CATSPERE: variants seen among roughly 807,000 people sequenced by gnomAD.
The protein encoded by CATSPERE is catsper channel auxiliary subunit epsilon.
Under a neutral mutation model 114.1 loss-of-function variants are expected in CATSPERE, and 93 were observed. The ratio of observed to expected loss-of-function variants is 0.81; its 90% confidence interval spans 0.69 to 0.97. The LOEUF is 0.97. Among genes scored for constraint, CATSPERE ranks in the 50% least tolerant of loss-of-function variants. The pLI is 0.00. For missense variants in CATSPERE, 1,058 were observed against 1,131.6 expected (o/e 0.93, Z 0.93); for synonymous variants, 341 against 384.1 (o/e 0.89, Z 1.31).
At chr1:244,452,974 G>T (rs911655864), upstream of CATSPERE, among the ~76,000 whole-genome samples, 1 of 152,110 alleles carries the variant, frequency 6.6e-6, no homozygotes, top group African/African-American at 2.4e-5. Flanking sequence ...CTCCCAAATC[G>T]CCTGTACATA....
chr1:244,567,502 T>G (rs1663775381), intron 10 of CATSPERE, among the ~76,000 whole-genome samples: 1 of 152,166 alleles, frequency 6.6e-6, no homozygotes, highest in Non-Finnish European at 1.5e-5. Flanking sequence ...ATAGGTTTGG[T>G]CTTTTCATAT....
rs1284242264 is a variant in CATSPERE, at chr1:244,461,473, G to A, written c.44G>A (p.Cys15Tyr). The change falls in exon 1 of 22, where the codon TGC becomes TAC. Residue 15 changes from cysteine to tyrosine, a missense_variant. Cys to Tyr is a radical substitution (Grantham distance 194). Transcript: ENST00000366534. The stretch of plus-strand genomic sequence containing the variant: ...GCCGTGCTGCTGCTGTGGCTGAGCT[G>A]CTATGGCTCCGCCCTTTGGAGGTAG... Reference protein sequence around the residue: ...EVAVLLLWLSCYGSALWRYST... With the variant: ...EVAVLLLWLSYYGSALWRYST... 1.5e-6 allele frequency: 2 copies of A among 1,345,644 alleles called. No homozygotes were observed. Among genetic ancestry groups the A allele is most frequent in the South Asian group, 2.2e-5 (1 of 46,208 alleles). The allele number at this position is 1,345,644 out of a possible 1,614,324, so 83.4% of individuals were successfully genotyped here.
chr1:244,553,833 CCT>C (rs1033447452), intron 9 of CATSPERE, among the ~76,000 whole-genome samples: 29 of 152,116 alleles, frequency 1.9e-4, no homozygotes, highest in African/African-American at 6.0e-4. Context: ...CCCACGCACC[CCT>C]CTCCTTCCCA....
At chr1:244,603,576 A>C (rs1669564092) in intron 17 of CATSPERE, among the ~76,000 whole-genome samples, 2 of 152,172 alleles carry the variant, frequency 1.3e-5, no homozygotes, top group Non-Finnish European at 2.9e-5. Context: ...CCCAGAAATT[A>C]TGGGTCATGT....
intron 19 of CATSPERE, among the ~76,000 whole-genome samples, chr1:244,615,318 T>A (rs1449394224): frequency 6.6e-6 from 1 of 151,116 alleles, no homozygotes; most frequent in Non-Finnish European, 1.5e-5. Context: ...TTAATTAAAG[T>A]TATACTGTTA....
chr1:244,533,424 T>G (rs1479303305), intron 8 of CATSPERE, among the ~76,000 whole-genome samples: 1 of 152,136 alleles, frequency 6.6e-6, no homozygotes, highest in Non-Finnish European at 1.5e-5. Flanking sequence ...TGTTGTGTGG[T>G]CTTCTCTTCC....
intron 12 of CATSPERE, among the ~76,000 whole-genome samples, chr1:244,582,481 C>T (rs1365218168): frequency 4.6e-5 from 7 of 151,276 alleles, no homozygotes; most frequent in Non-Finnish European, 5.9e-5. Context: ...CGGCTCACTG[C>T]AACCTCCACC....
At chr1:244,610,449 T>C (rs778231895) in intron 19 of CATSPERE, 123 bp downstream of exon 19, 1 of 731,092 alleles carries the variant, frequency 1.4e-6, no homozygotes, top group South Asian at 1.5e-5. Context: ...AAATCCTATT[T>C]TTATATTAAA....
chr1:244,460,731 T>C (rs1666612431), upstream of CATSPERE, among the ~76,000 whole-genome samples: 1 of 152,222 alleles, frequency 6.6e-6, no homozygotes, highest in South Asian at 2.1e-4. Flanking sequence ...CTGGGCAAGA[T>C]GGTGAAACCC....
At chr1:244,612,864 G>A (rs967875881) in intron 19 of CATSPERE, among the ~76,000 whole-genome samples, 14 of 152,206 alleles carry the variant, frequency 9.2e-5, no homozygotes, top group African/African-American at 3.4e-4. Flanking sequence ...ATTTGATCAA[G>A]TGGGCTTTCG....
At position 244,518,635 on chromosome 1, in the gene CATSPERE, A is replaced by G. The variant is rs1390584595; in HGVS notation, c.473A>G (p.Lys158Arg). ...ACACAGATGGCCACATTGGGACAGAAGCCTGTCATACATACAGTTCTGAAG... is the reference window on the plus strand; with the variant it reads ...ACACAGATGGCCACATTGGGACAGAGGCCTGTCATACATACAGTTCTGAAG... ...LSTQMATLGQKPVIHTVLKRK... is the reference protein window; with the variant it reads ...LSTQMATLGQRPVIHTVLKRK... Residue 158 changes from lysine (K) to arginine (R), a missense_variant, in exon 8 of 22, where the codon AAG becomes AGG. Transcript: ENST00000366534. The G allele has an allele frequency of 2.5e-6, 4 of 1,602,668 alleles. No individual in the cohort carries two copies. Among genetic ancestry groups the G allele is most frequent in the Non-Finnish European group, 3.4e-6 (4 of 1,172,032 alleles).
At chr1:244,471,018 C>T (rs1668391944) in intron 2 of CATSPERE, among the ~76,000 whole-genome samples, 1 of 152,162 alleles carries the variant, frequency 6.6e-6, no homozygotes, top group South Asian at 2.1e-4. Flanking sequence ...GGAGATAGGG[C>T]TGGGGTGGTA....
At chr1:244,562,153 C>CAAAAAAA (rs11313998) in intron 10 of CATSPERE, among the ~76,000 whole-genome samples, 13 of 70,154 alleles carry the variant, frequency 1.9e-4, no homozygotes, top group African/African-American at 5.1e-4. Flanking sequence ...GATCCTGTCT[C>CAAAAAAA]AAAAAAAAAA....
At chr1:244,558,765 C>CTCTCCT (rs575004511) in intron 9 of CATSPERE, among the ~76,000 whole-genome samples, 84 of 152,208 alleles carry the variant, frequency 5.5e-4, no homozygotes, top group African/African-American at 1.8e-3. Flanking sequence ...CTGCACTCCC[C>CTCTCCT]TCTCCTTCTC....
At chr1:244,520,133 T>G (rs1312754185) in intron 8 of CATSPERE, among the ~76,000 whole-genome samples, 6 of 152,212 alleles carry the variant, frequency 3.9e-5, no homozygotes, top group African/African-American at 7.2e-5. Context: ...AAGTTTTACA[T>G]TTTTATGAAT....
chr1:244,543,580 T>C (rs3003242), intron 8 of CATSPERE, among the ~76,000 whole-genome samples: 149,201 of 150,296 alleles, frequency 0.99, 74,067 homozygotes, highest in Middle Eastern at 1. Context: ...ATCAGGGTGA[T>C]TATAGTCAAT....
chr1:244,508,321 G>C (rs572186454), intron 7 of CATSPERE, among the ~76,000 whole-genome samples: 5 of 136,644 alleles, frequency 3.7e-5, no homozygotes, highest in South Asian at 2.3e-4. Context: ...TTTTTTTTGA[G>C]ACAGAGTCTC....
At chr1:244,472,334 A>G (rs765308188) in intron 2 of CATSPERE, among the ~76,000 whole-genome samples, 17 of 152,236 alleles carry the variant, frequency 1.1e-4, no homozygotes, top group African/African-American at 2.2e-4. Flanking sequence ...ATTGTTCTGC[A>G]TATTGAATAC....
At chr1:244,639,013 C>T (rs931740905) in intron 21 of CATSPERE, among the ~76,000 whole-genome samples, 2 of 152,196 alleles carry the variant, frequency 1.3e-5, no homozygotes, top group African/African-American at 4.8e-5. Flanking sequence ...TATCATCCCT[C>T]TGAAGCTCTC....
Sources: gnomAD v4.1 joint callset for allele counts (sites outside exome capture counted in the v4.1 genomes callset) on GRCh38, gnomAD v4.1.1 for gene constraint, MANE v1.5 for transcripts, NCBI Gene and HGNC (gene_info 2026-07-23, HGNC 2026-07-21) for gene names.